The following TSPAN8 variants were observed in gnomAD, a reference collection of about 807,000 sequenced individuals.
The protein encoded by TSPAN8 is tetraspanin 8.
In TSPAN8, 21 loss-of-function variants were observed where a neutral mutation model predicts 32.8. That is an observed-to-expected ratio of 0.64 (90% CI 0.45 to 0.92). The LOEUF (loss-of-function observed/expected upper bound fraction) is 0.92. Among genes scored for constraint, TSPAN8 ranks in the 40% least tolerant of loss-of-function variants. The pLI is 0.00. For synonymous variants in TSPAN8, 95 were observed against 94.6 expected (o/e 1.00, Z -0.03); for missense variants, 269 against 281.9 (o/e 0.95, Z 0.33).
At chr12:71,135,233 AG>A (rs1871647092) in intron 6 of TSPAN8, among the ~76,000 whole-genome samples, 16 of 66,384 alleles carry the variant, frequency 2.4e-4, no homozygotes, top group Non-Finnish European at 4.9e-4. Flanking sequence ...AAGAAGAAGG[AG>A]GAGGAGGAGG....
chr12:71,139,378 T>C (rs2137052631), intron 4 of TSPAN8: 1 of 469,802 alleles, frequency 2.1e-6, no homozygotes, highest in South Asian at 2.0e-5. Flanking sequence ...TGTAGCTATT[T>C]GCTTACTTAT....
At chr12:71,153,617 A>G (rs1008109223) in intron 2 of TSPAN8, among the ~76,000 whole-genome samples, 1 of 152,240 alleles carries the variant, frequency 6.6e-6, no homozygotes, top group African/African-American at 2.4e-5. Flanking sequence ...TGGGGTCATT[A>G]AAATTTTTAC....
chr12:71,157,854 AAATT>A (rs1361484723), intron 1 of TSPAN8, 67 bp from the exon 2 acceptor site: 2 of 575,990 alleles, frequency 3.5e-6, no homozygotes, highest in Admixed American at 5.9e-5. Flanking sequence ...CTGGATAAAA[AAATT>A]AACCCACACA....
Position 71,125,319 on chromosome 12 carries a change from G to T in TSPAN8, c.*15C>A, listed in dbSNP as rs756756700. 49 of 1,609,110 alleles carry T rather than the reference G, an allele frequency of 3.0e-5. No homozygotes were observed. Among genetic ancestry groups the T allele is most frequent in the Non-Finnish European group, 4.2e-5 (49 of 1,177,530 alleles). ...AAAGGGGTTTGACTGACGATAGGTT[G>T]ATGCATCCACAGATTCATTTGTTCC... On this transcript the variant is annotated 3_prime_UTR_variant, in exon 9 of 9. Transcript: ENST00000247829.
intron 2 of TSPAN8, among the ~76,000 whole-genome samples, chr12:71,149,369 C>CA (rs35841431): frequency 0.11 from 9,979 of 91,508 alleles, 542 homozygotes; most frequent in East Asian, 0.36. Flanking sequence ...ACTCTTGTCT[C>CA]AAAAAAAAAA....
At chr12:71,132,658 A>G (rs780689350) in intron 7 of TSPAN8, 35 bp downstream of exon 7, 2 of 1,603,800 alleles carry the variant, frequency 1.2e-6, no homozygotes, top group East Asian at 2.2e-5. Context: ...AAGTAACAGA[A>G]TTGCTTATTG....
At position 71,139,726 on chromosome 12, in the gene TSPAN8, GCGACTTT is replaced by G. The variant is rs1196539443; in HGVS notation, c.239_245del (p.Glu80AlafsTer9). On this transcript the variant is annotated frameshift_variant, in exon 4 of 9. Coordinates refer to ENST00000247829, the MANE Select transcript of TSPAN8 (RefSeq NM_004616.3). LOFTEE classifies it high-confidence loss of function. ...GAGAACTCACCAACAGAAGCATGCA[GCGACTTT>G]CTTTTATAGCACCGCAGCATCCCAG... 1 of 1,613,600 alleles carries G rather than the reference GCGACTTT, an allele frequency of 6.2e-7. No homozygotes were observed. Among genetic ancestry groups the G allele is most frequent in the East Asian group, 2.2e-5 (1 of 44,862 alleles).
chr12:71,156,325 T>C (rs1872441310), intron 2 of TSPAN8, among the ~76,000 whole-genome samples: 1 of 150,644 alleles, frequency 6.6e-6, no homozygotes, highest in Non-Finnish European at 1.5e-5. Context: ...TCTTTCTTTT[T>C]TTGTATAACC....
rs369598060 is a variant in TSPAN8, at chr12:71,138,031, A to T, written c.366T>A (p.Tyr122Ter). 2.5e-6 allele frequency: 4 copies of T among 1,614,052 alleles called. No individual in the cohort carries two copies. Among genetic ancestry groups the T allele is most frequent in the Non-Finnish European group, 2.5e-6 (3 of 1,179,982 alleles). Reference protein sequence around the residue: ...KSDRIVNETLYENTKLLSATG... With the variant: ...KSDRIVNETL ...TGGCGCTCAAAAGCTTTGTGTTTTC[A>T]TAGAGAGTTTCATTCACAATGCGAT... The change falls in exon 6 of 9, where the codon TAT becomes TAA. Residue 122 changes from tyrosine to a stop codon, truncating the protein, a stop_gained. Transcript: ENST00000247829. LOFTEE classifies it high-confidence loss of function.
chr12:71,139,685 C>G lies in TSPAN8; in HGVS notation c.261+26G>C, dbSNP rs547999152. On this transcript the variant is annotated intron_variant, in intron 4 of 8. Coordinates refer to ENST00000247829, the MANE Select transcript of TSPAN8 (RefSeq NM_004616.3). Reference sequence around the variant, plus strand: ...AATCCTCTGGAGTCTGAAGGTTGGACACTGGGATTTGTTTGGAGAACTCAC... The same window carrying G: ...AATCCTCTGGAGTCTGAAGGTTGGAGACTGGGATTTGTTTGGAGAACTCAC... 7 of 1,610,468 alleles carry G rather than the reference C, an allele frequency of 4.3e-6. No homozygotes were observed. In the African/African-American group the frequency reaches 9.3e-5, roughly 21 times the overall value.
intron 3 of TSPAN8, among the ~76,000 whole-genome samples, chr12:71,143,183 A>C (rs910779780): frequency 6.6e-6 from 1 of 152,200 alleles, no homozygotes; most frequent in African/African-American, 2.4e-5. Context: ...CAAAGAACAA[A>C]TTAATGGCTC....
At chr12:71,156,949 T>C (rs866076224) in intron 2 of TSPAN8, 1 of 152,354 alleles carries the variant, frequency 6.6e-6, no homozygotes, top group Middle Eastern at 3.4e-3. Flanking sequence ...ATTTGTTGGT[T>C]ATGTCTATGT....
intron 3 of TSPAN8, among the ~76,000 whole-genome samples, chr12:71,143,335 T>C (rs1156469468): frequency 6.6e-6 from 1 of 152,110 alleles, no homozygotes; most frequent in Admixed American, 6.6e-5. Flanking sequence ...CCCCGCACAC[T>C]CGCCCCTCCC....
At chr12:71,134,078 C>T (rs1028343820) in intron 6 of TSPAN8, among the ~76,000 whole-genome samples, 3 of 152,050 alleles carry the variant, frequency 2.0e-5, no homozygotes, top group African/African-American at 7.3e-5. Context: ...ATTAGTTTAA[C>T]CTCTGTGCCA....
chr12:71,132,177 G>A (rs1180538405), intron 7 of TSPAN8, among the ~76,000 whole-genome samples: 2 of 152,078 alleles, frequency 1.3e-5, no homozygotes, highest in Non-Finnish European at 2.9e-5. Flanking sequence ...GCAATAACTA[G>A]GTAAATTGGT....
intron 6 of TSPAN8, among the ~76,000 whole-genome samples, chr12:71,134,251 T>C (rs1269333871): frequency 3.3e-5 from 5 of 152,216 alleles, no homozygotes; most frequent in Non-Finnish European, 7.3e-5. Flanking sequence ...GTTTTTGTTT[T>C]CATTGTTTGC....
Position 71,137,968 on chromosome 12 carries a change from AAT to A in TSPAN8, c.427_428del (p.Ile143CysfsTer7), listed in dbSNP as rs1871758537. 2 of 1,613,296 alleles carry A rather than the reference AAT, an allele frequency of 1.2e-6. No homozygotes were observed. Among genetic ancestry groups the A allele is most frequent in the African/African-American group, 2.7e-5 (2 of 74,904 alleles). ...ESEKQFQEAI[I>X]VFQEEFKCCG... ...TTCTAATTACCTCTTCTTGAAACAC[AAT>A]TATGGCTTCCTGGAATTGTTTTTCA... On this transcript the variant is annotated frameshift_variant, in exon 6 of 9. Coordinates refer to ENST00000247829, the MANE Select transcript of TSPAN8 (RefSeq NM_004616.3). LOFTEE classifies it high-confidence loss of function.
intron 6 of TSPAN8, among the ~76,000 whole-genome samples, chr12:71,136,536 A>C (rs1357166535): frequency 6.6e-6 from 1 of 152,216 alleles, no homozygotes; most frequent in African/African-American, 2.4e-5. Context: ...CAAGGATGGA[A>C]ACTGATGCAA....
intron 6 of TSPAN8, among the ~76,000 whole-genome samples, chr12:71,134,286 C>T (rs1871611661): frequency 6.6e-6 from 1 of 152,106 alleles, no homozygotes; most frequent in South Asian, 2.1e-4. Context: ...CTGTCATGCT[C>T]TCACAGGAAC....
Sources: allele counts gnomAD v4.1 joint callset (sites outside exome capture counted in the v4.1 genomes callset), GRCh38; gene constraint gnomAD v4.1.1; transcripts MANE v1.5; gene names NCBI Gene and HGNC (gene_info 2026-07-23, HGNC 2026-07-21).